The following SLC10A4 variants were observed in gnomAD, a reference collection of about 807,000 sequenced individuals.
The protein encoded by SLC10A4 is putative sodium/bile acid cotransporter 4.
SLC10A4 carries 17 observed loss-of-function variants against 22.5 expected under a neutral mutation model. That is an observed-to-expected ratio of 0.76 (90% confidence interval 0.52 to 1.14). The LOEUF is 1.14. Ranked by LOEUF, SLC10A4 falls within the 50% of genes most tolerant of loss-of-function variation. The pLI is 0.00. For synonymous variants in SLC10A4, 257 were observed against 258.2 expected, an observed-to-expected ratio of 1.00 and a Z score of 0.04; for missense variants, 548 against 584.0, an observed-to-expected ratio of 0.94 and a Z score of 0.64.
rs1260164020 is a variant in SLC10A4 at position 48,488,700 on chromosome 4, A to G, written c.1075A>G (p.Ser359Gly). The G allele has an allele frequency of 1.2e-6, 2 of 1,613,936 alleles. No individual in the cohort carries two copies. Among genetic ancestry groups the G allele is most frequent in the Non-Finnish European group, 1.7e-6 (2 of 1,180,028 alleles). The change falls in exon 3 of 3, where the codon AGC becomes GGC. Residue 359 changes from serine (S) to glycine (G), a missense_variant. Coordinates refer to ENST00000273861, the MANE Select transcript of SLC10A4 (RefSeq NM_152679.4). ...KLAFPPQFIG[S>G]MYMFPLLYAL... ...GGCCTTTCCACCGCAATTCATAGGA[A>G]GCATGTACATGTTTCCTTTGCTGTA... is the stretch of plus-strand genomic sequence containing the variant.
chr4:48,485,430 G>A (rs1448840675), intron 2 of SLC10A4, among the ~76,000 whole-genome samples: 1 of 152,196 alleles, frequency 6.6e-6, no homozygotes, highest in Non-Finnish European at 1.5e-5. Context: ...GAAGATGACA[G>A]TGTAATTAAA....
At position 48,483,812 on chromosome 4, in the gene SLC10A4, C is replaced by G. The variant is rs1424494519; in HGVS notation, c.251C>G (p.Pro84Arg). 18 of 1,525,166 alleles carry G rather than the reference C, an allele frequency of 1.2e-5. No homozygotes were observed. Among genetic ancestry groups the G allele is most frequent in the South Asian group, 1.2e-5 (1 of 82,256 alleles). The allele number at this position is 1,525,166 out of a possible 1,614,324, so 94.5% of individuals were successfully genotyped here. A position where few individuals can be genotyped will look rare whatever the true frequency, so the allele number is the denominator to read the frequency against. Residue 84 changes from proline to arginine, a missense_variant, in exon 1 of 3, where the codon CCG becomes CGG. Around this residue, in one of 3 missense-constraint regions of SLC10A4, gnomAD observed 225 missense variants for 206.9 expected, o/e 1.09. Transcript: ENST00000273861. This position sits in a 1 kb window ranked among gnomAD's most constrained non-coding sequence, Gnocchi z 5.4. ...GGCGCGGCGAGCCACGGCCCTTCCC[C>G]GTTCCCTCGGCCCTGGGCGCCCCAC... Reference protein sequence around the residue: ...AGGAASHGPSPFPRPWAPHAL... With the variant: ...AGGAASHGPSRFPRPWAPHAL...
Position 48,483,450 on chromosome 4 carries a change from A to G in SLC10A4, c.-112A>G, listed in dbSNP as rs1718215184. 1 of 848,360 alleles carries G rather than the reference A, an allele frequency of 1.2e-6. No individual in the cohort carries two copies. The allele number at this position is 848,360 out of a possible 1,614,324, so 52.6% of individuals were successfully genotyped here. A position where few individuals can be genotyped will look rare whatever the true frequency, so the allele number is the denominator to read the frequency against. On this transcript the variant is annotated 5_prime_UTR_variant, in exon 1 of 3. Transcript: ENST00000273861. The surrounding 1 kb of genome is among the most constrained non-coding windows in gnomAD (Gnocchi z 5.4). The stretch of plus-strand genomic sequence containing the variant: ...GCCGCCGAGCACGTCAGCGGCGCGC[A>G]GCCGGGGCTCGGAGACCGACGGGCA...
At chr4:48,487,615 G>A (rs778797830) in intron 2 of SLC10A4, among the ~76,000 whole-genome samples, 7 of 152,052 alleles carry the variant, frequency 4.6e-5, no homozygotes, top group Non-Finnish European at 7.4e-5. Flanking sequence ...ATTCACATAT[G>A]AAACACATTC....
At position 48,488,858 on chromosome 4, in the gene SLC10A4, A is replaced by T; in HGVS notation, c.1233A>T (p.Glu411Asp). Residue 411 changes from glutamate to aspartate, a missense_variant, in exon 3 of 3, where the codon GAA becomes GAT. Glu to Asp is a conservative substitution (Grantham distance 45). This residue lies in a region of SLC10A4 where 314 missense variants were observed against 353.2 expected (regional missense o/e 0.89). Coordinates refer to ENST00000273861, the MANE Select transcript of SLC10A4 (RefSeq NM_152679.4). ...ATATTTCTTATAAAAAACTAAAAGAAGAGGAAATGGCAGACACTTCCTATG... is the reference window on the plus strand; with the variant it reads ...ATATTTCTTATAAAAAACTAAAAGATGAGGAAATGGCAGACACTTCCTATG... Reference protein sequence around the residue: ...DTDISYKKLKEEEMADTSYGT... With the variant: ...DTDISYKKLKDEEMADTSYGT... 1 of 1,613,800 alleles carries T rather than the reference A, an allele frequency of 6.2e-7. No individual in the cohort carries two copies. Among genetic ancestry groups the T allele is most frequent in the Non-Finnish European group, 8.5e-7 (1 of 1,179,954 alleles).
rs1718349918 is a variant in SLC10A4 at position 48,489,493 on chromosome 4, C to T, written c.*554C>T. Among the ~76,000 whole-genome samples, 1 of 152,182 alleles carries T rather than the reference C, an allele frequency of 6.6e-6. No homozygotes were observed. Among genetic ancestry groups the T allele is most frequent in the South Asian group, 2.1e-4 (1 of 4,838 alleles). On this transcript the variant is annotated 3_prime_UTR_variant, in exon 3 of 3. Transcript: ENST00000273861. The stretch of plus-strand genomic sequence containing the variant: ...ATTTGATTACTTGATCTGGTATCTA[C>T]TTATTAATGAATAATCAACATTTTT...
In SLC10A4 at chr4:48,483,379, G is replaced by C. The variant is rs530957849; in HGVS notation, c.-183G>C. 39 of 339,506 alleles carry C rather than the reference G, an allele frequency of 1.1e-4. 1 individual carries two copies. The South Asian group carries it at 5.0e-3, about 44-fold the overall frequency. 21.0% of individuals were successfully genotyped at this position (339,506 alleles called of 1,614,324 possible). A position where few individuals can be genotyped will look rare whatever the true frequency, so the allele number is the denominator to read the frequency against. ...CGCGCTGCGCGGAGTGCCAGGCTGC[G>C]GGCGGCTGCAGACCTGGGAGCGGAG... On this transcript the variant is annotated 5_prime_UTR_variant, in exon 1 of 3. Transcript: ENST00000273861. This position sits in a 1 kb window ranked among gnomAD's most constrained non-coding sequence, Gnocchi z 5.4.
chr4:48,483,667 C>T lies in SLC10A4; in HGVS notation c.106C>T (p.Leu36Phe). 4.0e-6 allele frequency: 6 copies of T among 1,484,096 alleles called. No homozygotes were observed. The highest frequency in any genetic ancestry group is 5.3e-6 in the Non-Finnish European group (6 of 1,122,416). The allele number at this position is 1,484,096 out of a possible 1,614,324, so 91.9% of individuals were successfully genotyped here. A position where few individuals can be genotyped will look rare whatever the true frequency, so the allele number is the denominator to read the frequency against. The change falls in exon 1 of 3, where the codon CTC (leucine) becomes TTC (phenylalanine). Residue 36 changes from leucine to phenylalanine, a missense_variant. Physicochemically the swap from Leu to Phe is conservative, Grantham distance 22. Around this residue, in one of 3 missense-constraint regions of SLC10A4, gnomAD observed 225 missense variants for 206.9 expected, o/e 1.09. Transcript: ENST00000273861. The surrounding 1 kb of genome is among the most constrained non-coding windows in gnomAD (Gnocchi z 5.4). Reference protein sequence around the residue: ...SSLGPGTDLALAPASSAGPGP... With the variant: ...SSLGPGTDLAFAPASSAGPGP... ...CCTGGGCCCCGGCACGGACCTCGCC[C>T]TCGCCCCTGCCTCCAGCGCCGGCCC...
At position 48,483,809 on chromosome 4, in the gene SLC10A4, C is replaced by A. The variant is rs1258480643; in HGVS notation, c.248C>A (p.Ser83Tyr). 1.0e-5 allele frequency: 16 copies of A among 1,524,510 alleles called. No individual in the cohort carries two copies. The South Asian group carries it at 1.7e-4, about 16-fold the overall frequency. 94.4% of individuals were successfully genotyped at this position (1,524,510 alleles called of 1,614,324 possible). Reference protein sequence around the residue: ...LAGGAASHGPSPFPRPWAPHA... With the variant: ...LAGGAASHGPYPFPRPWAPHA... The stretch of plus-strand genomic sequence containing the variant: ...GGCGGCGCGGCGAGCCACGGCCCTT[C>A]CCCGTTCCCTCGGCCCTGGGCGCCC... Residue 83 changes from serine (S) to tyrosine (Y), a missense_variant, in exon 1 of 3, where the codon TCC becomes TAC. Coordinates refer to ENST00000273861, the MANE Select transcript of SLC10A4 (RefSeq NM_152679.4). The surrounding 1 kb of genome is among the most constrained non-coding windows in gnomAD (Gnocchi z 5.4).
chr4:48,485,272 A>AT (rs1260890784), intron 2 of SLC10A4, 130 bp downstream of exon 2: 16 of 881,670 alleles, frequency 1.8e-5, no homozygotes, highest in Admixed American at 8.5e-5. Context: ...CATGGATAAA[A>AT]TTTTTTTTAA....
chr4:48,483,626 C>A lies in SLC10A4; in HGVS notation c.65C>A (p.Ala22Glu). The change falls in exon 1 of 3, where the codon GCG (alanine) becomes GAG (glutamate). Residue 22 changes from alanine (A) to glutamate (E), a missense_variant. Coordinates refer to ENST00000273861, the MANE Select transcript of SLC10A4 (RefSeq NM_152679.4). This position sits in a 1 kb window ranked among gnomAD's most constrained non-coding sequence, Gnocchi z 5.4. ...CTGCTGCGGGACAACTACACCCTGGCGCCCAATGCCAGCAGCCTGGGCCCC... is the reference window on the plus strand; with the variant it reads ...CTGCTGCGGGACAACTACACCCTGGAGCCCAATGCCAGCAGCCTGGGCCCC... ...APLLRDNYTL[A>E]PNASSLGPGT... The A allele has an allele frequency of 1.3e-6, 2 of 1,495,322 alleles. No homozygotes were observed. The highest frequency in any genetic ancestry group is 1.8e-6 in the Non-Finnish European group (2 of 1,126,542). The allele number at this position is 1,495,322 out of a possible 1,614,324, so 92.6% of individuals were successfully genotyped here.
chr4:48,484,862 A>G, intron 1 of SLC10A4, 70 bp from the exon 2 acceptor site: 2 of 1,459,652 alleles, frequency 1.4e-6, no homozygotes, highest in South Asian at 1.2e-5. Context: ...TACTCAACAT[A>G]CAAGAAAAAG....
chr4:48,484,282 G>T, intron 1 of SLC10A4, 131 bp downstream of exon 1: 1 of 951,202 alleles, frequency 1.1e-6, no homozygotes, highest in Non-Finnish European at 1.5e-6. Flanking sequence ...GAAAAGGAGA[G>T]GAAGTTGATG....
Position 48,484,124 on chromosome 4 carries a change from T to A in SLC10A4, c.563T>A (p.Leu188Gln). 6.3e-7 allele frequency: 1 copy of A among 1,587,084 alleles called. No individual in the cohort carries two copies. Among genetic ancestry groups the A allele is most frequent in the East Asian group, 2.3e-5 (1 of 44,384 alleles). The change falls in exon 1 of 3, where the codon CTG becomes CAG. Residue 188 changes from leucine to glutamine, a missense_variant. Leu to Gln is a moderately radical substitution (Grantham distance 113). Around this residue, in one of 3 missense-constraint regions of SLC10A4, gnomAD observed 314 missense variants for 353.2 expected, o/e 0.89. Coordinates refer to ENST00000273861, the MANE Select transcript of SLC10A4 (RefSeq NM_152679.4). ...PGGNLSNLMS[L>Q]LVDGDMNLSI... is the part of the protein sequence containing the mutation. ...GGCAATCTCTCCAATCTTATGTCCC[T>A]GCTGGTTGACGGCGACATGAACCTC... is the stretch of plus-strand genomic sequence containing the variant.
In SLC10A4 at chr4:48,483,924, C is replaced by T. The variant is rs1311373797; in HGVS notation, c.363C>T (p.Gly121=). ...AALCITMLGL[G]CTVDVNHFGA... ...TGTGCATCACCATGCTGGGCCTGGG[C>T]TGCACGGTGGACGTGAACCACTTCG... The change falls in exon 1 of 3, where the codon GGC becomes GGT. Residue 121 remains glycine (G), a synonymous_variant. Transcript: ENST00000273861. The surrounding 1 kb of genome is among the most constrained non-coding windows in gnomAD (Gnocchi z 5.4). The T allele has an allele frequency of 5.8e-6, 9 of 1,543,538 alleles. No homozygotes were observed. The highest frequency in any genetic ancestry group is 2.0e-4 in the Middle Eastern group (1 of 5,042).
In SLC10A4 at chr4:48,483,635, C is replaced by A. The variant is rs1299291408; in HGVS notation, c.74C>A (p.Ala25Asp). ...LRDNYTLAPN[A>D]SSLGPGTDLA... ...GACAACTACACCCTGGCGCCCAATG[C>A]CAGCAGCCTGGGCCCCGGCACGGAC... The change falls in exon 1 of 3, where the codon GCC becomes GAC. Residue 25 changes from alanine to aspartate, a missense_variant. Around this residue, in one of 3 missense-constraint regions of SLC10A4, gnomAD observed 225 missense variants for 206.9 expected, o/e 1.09. Transcript: ENST00000273861. The surrounding 1 kb of genome is among the most constrained non-coding windows in gnomAD (Gnocchi z 5.4). The A allele has an allele frequency of 4.2e-5, 62 of 1,492,760 alleles. 1 individual carries two copies. Among genetic ancestry groups the A allele is most frequent in the Non-Finnish European group, 5.3e-5 (60 of 1,125,578 alleles). The allele number at this position is 1,492,760 out of a possible 1,614,324, so 92.5% of individuals were successfully genotyped here.
At position 48,485,055 on chromosome 4, in the gene SLC10A4, C is replaced by CCTG; in HGVS notation, c.715_717dup (p.Leu239dup). On this transcript the variant is annotated inframe_insertion, in exon 2 of 3. Coordinates refer to ENST00000273861, the MANE Select transcript of SLC10A4 (RefSeq NM_152679.4). Reference sequence around the variant, plus strand: ...AGTTACTACCCCTAGGGACCGTGACCCTGACTCTCTGCAGCACTCTCATAC... The same window carrying CCTG: ...AGTTACTACCCCTAGGGACCGTGACCCTGCTGACTCTCTGCAGCACTCTCATAC... 6.2e-7 allele frequency: 1 copy of CCTG among 1,614,098 alleles called. No homozygotes were observed. The highest frequency in any genetic ancestry group is 2.2e-5 in the East Asian group (1 of 44,874).
At position 48,484,919 on chromosome 4, in the gene SLC10A4, C is replaced by A. The variant is rs1450483811; in HGVS notation, c.591-13C>A. 1.2e-6 allele frequency: 2 copies of A among 1,608,280 alleles called. No individual in the cohort carries two copies. Among genetic ancestry groups the A allele is most frequent in the African/African-American group, 2.7e-5 (2 of 74,882 alleles). On this transcript the variant is annotated splice_polypyrimidine_tract_variant and intron_variant, in intron 1 of 2. Transcript: ENST00000273861. Reference sequence around the variant, plus strand: ...AAGCTCGTTCTGATTTCTGCACATTCCCTTTTCTGCAGCATCATCATGACC... The same window carrying A: ...AAGCTCGTTCTGATTTCTGCACATTACCTTTTCTGCAGCATCATCATGACC...
chr4:48,488,451 ACT>A lies in SLC10A4; in HGVS notation c.829_830del (p.Leu277GlyfsTer14). The A allele has an allele frequency of 6.2e-7, 1 of 1,607,224 alleles. No individual in the cohort carries two copies. Among genetic ancestry groups the A allele is most frequent in the Non-Finnish European group, 8.5e-7 (1 of 1,176,080 alleles). On this transcript the variant is annotated frameshift_variant, in exon 3 of 3. Coordinates refer to ENST00000273861, the MANE Select transcript of SLC10A4 (RefSeq NM_152679.4). LOFTEE classifies it high-confidence loss of function. ...GGTTTCCCTGTGGTCTCTGCTAGTG[ACT>A]CTGGTGGTCCTTTTCATAATGACCG... Reference protein sequence around the residue: ...VKVSLWSLLVTLVVLFIMTGT... With the variant: ...VKVSLWSLLVXLVVLFIMTGT...
Sources: allele counts gnomAD v4.1 joint callset (sites outside exome capture counted in the v4.1 genomes callset), GRCh38; gene constraint gnomAD v4.1.1; regional missense constraint gnomAD v4.1.1; non-coding constraint Gnocchi (gnomAD v3.1); transcripts MANE v1.5; gene names NCBI Gene and HGNC (gene_info 2026-07-23, HGNC 2026-07-21).